The following CFAP299 variants were observed in gnomAD, a reference collection of about 807,000 sequenced individuals.
The protein encoded by CFAP299 is cilia- and flagella-associated protein 299.
A neutral mutation model predicts 27.0 loss-of-function variants in CFAP299; 21 were observed. The ratio of observed to expected loss-of-function variants is 0.78; its 90% CI spans 0.55 to 1.12. The LOEUF (loss-of-function observed/expected upper bound fraction) is 1.12. Among genes scored for constraint, CFAP299 ranks in the 50% most tolerant of loss-of-function variants. CFAP299 has a pLI of 0.00. For missense variants in CFAP299, 310 were observed against 276.6 expected, an observed-to-expected ratio of 1.12 and a Z score of -0.86; for synonymous variants, 104 against 98.1, an observed-to-expected ratio of 1.06 and a Z score of -0.36.
intron 2 of CFAP299, among the ~76,000 whole-genome samples, chr4:80,524,018 T>C (rs1158248193): frequency 6.6e-6 from 1 of 152,092 alleles, no homozygotes; most frequent in Non-Finnish European, 1.5e-5. Flanking sequence ...ACTGAAACAG[T>C]CACTTCTCTT....
intron 3 of CFAP299, among the ~76,000 whole-genome samples, chr4:80,848,054 T>C (rs1459909944): frequency 6.6e-6 from 1 of 151,668 alleles, no homozygotes; most frequent in Non-Finnish European, 1.5e-5. Context: ...TACAAAAAAA[T>C]ACAAAAATTA....
At chr4:80,787,367 C>T (rs574357530) in intron 3 of CFAP299, among the ~76,000 whole-genome samples, 1 of 151,736 alleles carries the variant, frequency 6.6e-6, no homozygotes, top group African/African-American at 2.4e-5. Flanking sequence ...TAGTAAAAAT[C>T]ACCTTTTCCT....
intron 2 of CFAP299, among the ~76,000 whole-genome samples, chr4:80,453,845 A>AATG (rs1299207333): frequency 2.7e-5 from 2 of 74,048 alleles, no homozygotes; most frequent in Non-Finnish European, 5.4e-5. Context: ...TGTCTCAAAT[A>AATG]ATAATAATAA....
At chr4:80,439,048 C>G (rs1173914620) in intron 2 of CFAP299, among the ~76,000 whole-genome samples, 1 of 152,022 alleles carries the variant, frequency 6.6e-6, no homozygotes, top group African/African-American at 2.4e-5. Context: ...GTGTAGTTTT[C>G]CAGTCCAATT....
At chr4:80,514,013 A>G (rs78971025) in intron 2 of CFAP299, among the ~76,000 whole-genome samples, 115 of 152,228 alleles carry the variant, frequency 7.6e-4, no homozygotes, top group African/African-American at 2.6e-3. Flanking sequence ...TGATGTTCCA[A>G]TGAACTTCTA....
chr4:80,655,095 T>C (rs1308245043), intron 3 of CFAP299, among the ~76,000 whole-genome samples: 1 of 152,130 alleles, frequency 6.6e-6, no homozygotes, highest in East Asian at 1.9e-4. Flanking sequence ...ACTTAATCTT[T>C]TACCTTTATT....
intron 2 of CFAP299, among the ~76,000 whole-genome samples, chr4:80,367,914 C>T (rs527291603): frequency 3.3e-5 from 5 of 152,246 alleles, no homozygotes; most frequent in African/African-American, 9.6e-5. Context: ...CTTCAATATT[C>T]GTGACACACA....
chr4:80,506,716 A>G (rs1056129702), intron 2 of CFAP299, among the ~76,000 whole-genome samples: 8 of 152,116 alleles, frequency 5.3e-5, no homozygotes, highest in African/African-American at 1.9e-4. Flanking sequence ...TCCTAATCTC[A>G]GATAGCTAAT....
chr4:80,415,753 C>T (rs960671918), intron 2 of CFAP299, among the ~76,000 whole-genome samples: 3 of 152,046 alleles, frequency 2.0e-5, no homozygotes, highest in Admixed American at 2.0e-4. Flanking sequence ...CAATTTTAGA[C>T]ATTTGTGAGG....
intron 3 of CFAP299, among the ~76,000 whole-genome samples, chr4:80,714,040 G>A: frequency 6.6e-6 from 1 of 152,078 alleles, no homozygotes; most frequent in East Asian, 1.9e-4. Context: ...TATAGCTTCA[G>A]CACTTCTTGC....
At chr4:80,572,305 T>C (rs1735620580) in intron 2 of CFAP299, among the ~76,000 whole-genome samples, 1 of 151,940 alleles carries the variant, frequency 6.6e-6, no homozygotes, top group South Asian at 2.1e-4. Context: ...TGTTAGCCAT[T>C]CTCATTTCCC....
At chr4:80,374,722 A>G (rs1724319734) in intron 2 of CFAP299, among the ~76,000 whole-genome samples, 1 of 152,024 alleles carries the variant, frequency 6.6e-6, no homozygotes. Context: ...TCTTCATCTT[A>G]TTCTGCTTGT....
chr4:80,499,625 A>C (rs987499895), intron 2 of CFAP299, among the ~76,000 whole-genome samples: 3 of 152,112 alleles, frequency 2.0e-5, no homozygotes, highest in Non-Finnish European at 4.4e-5. Context: ...ACCTAAGTGG[A>C]AAATCTCTGA....
chr4:80,599,608 G>A (rs1223593867), intron 3 of CFAP299, among the ~76,000 whole-genome samples: 1 of 152,004 alleles, frequency 6.6e-6, no homozygotes, highest in Non-Finnish European at 1.5e-5. Flanking sequence ...CAAAATTGCA[G>A]AGGTATTGAA....
chr4:80,888,653 T>C (rs1318790939), intron 4 of CFAP299, among the ~76,000 whole-genome samples: 1 of 152,038 alleles, frequency 6.6e-6, no homozygotes, highest in African/African-American at 2.4e-5. Flanking sequence ...TTTCATTCAA[T>C]GGCTGAAGAA....
intron 3 of CFAP299, among the ~76,000 whole-genome samples, chr4:80,729,448 CTG>C (rs1406664422): frequency 6.6e-6 from 1 of 152,050 alleles, no homozygotes; most frequent in Non-Finnish European, 1.5e-5. Flanking sequence ...GTATGTCACT[CTG>C]GAGATTGTAT....
intron 5 of CFAP299, among the ~76,000 whole-genome samples, chr4:80,951,193 C>T (rs990093935): frequency 1.3e-5 from 2 of 152,024 alleles, no homozygotes; most frequent in African/African-American, 4.8e-5. Flanking sequence ...CTTGGTAAGT[C>T]ACTGATAACA....
intron 3 of CFAP299, among the ~76,000 whole-genome samples, chr4:80,584,214 T>C (rs1736318037): frequency 1.3e-5 from 2 of 152,046 alleles, no homozygotes; most frequent in African/African-American, 4.8e-5. Context: ...TGAATGAATA[T>C]ATGAGCTATT....
At chr4:80,928,300 A>C (rs895024703) in intron 4 of CFAP299, among the ~76,000 whole-genome samples, 1 of 151,802 alleles carries the variant, frequency 6.6e-6, no homozygotes, top group African/African-American at 2.4e-5. Context: ...CTCACAACAA[A>C]CCTATACTCC....
Sources: gnomAD v4.1 joint callset for allele counts (sites outside exome capture counted in the v4.1 genomes callset) on GRCh38, gnomAD v4.1.1 for gene constraint, MANE v1.5 for transcripts, NCBI Gene and HGNC (gene_info 2026-07-23, HGNC 2026-07-21) for gene names.